The following SIMC1 variants were observed in gnomAD, a reference collection of about 807,000 sequenced individuals.
SIMC1 encodes SUMO-interacting motif-containing protein 1.
Under a neutral mutation model 82.3 loss-of-function variants are expected in SIMC1, and 55 were observed. That is an observed-to-expected ratio of 0.67 (90% CI 0.54 to 0.84). The LOEUF (loss-of-function observed/expected upper bound fraction) is 0.84, where lower values mean the gene tolerates loss of function less well. Among genes scored for constraint, SIMC1 ranks in the 40% least tolerant of loss-of-function variants. The pLI is 0.00. For synonymous variants in SIMC1, 353 were observed against 426.3 expected (o/e 0.83, Z 2.12); for missense variants, 915 against 1,107.2 (o/e 0.83, Z 2.46).
In SIMC1 at chr5:176,289,704, T is replaced by C. The variant is rs1763456163; in HGVS notation, c.180T>C (p.Ser60=). Reference sequence around the variant, plus strand: ...CCAGACCAAGGACAAAAGATCGCAGTGGACTGTATGTGATTGACCTGACAA... The same window carrying C: ...CCAGACCAAGGACAAAAGATCGCAGCGGACTGTATGTGATTGACCTGACAA... The part of the protein sequence containing the change: ...RETRPRTKDR[S]GLYVIDLTRA... The change falls in exon 2 of 10, where the codon AGT becomes AGC. Residue 60 remains serine, a synonymous_variant. Transcript: ENST00000429602. 2 of 1,612,960 alleles carry C rather than the reference T, an allele frequency of 1.2e-6. No homozygotes were observed. The highest frequency in any genetic ancestry group is 1.7e-6 in the Non-Finnish European group (2 of 1,179,490).
intron 9 of SIMC1, among the ~76,000 whole-genome samples, chr5:176,340,404 C>G (rs1204302318): frequency 6.6e-6 from 1 of 152,130 alleles, no homozygotes. Context: ...AGTATGAATT[C>G]TAGGGATTTG....
intron 2 of SIMC1, among the ~76,000 whole-genome samples, chr5:176,292,777 G>A (rs141898069): frequency 0.021 from 3,205 of 152,256 alleles, 49 homozygotes; most frequent in Middle Eastern, 0.068. Context: ...CTGACCTCAA[G>A]TGATCCGCCC....
At chr5:176,295,298 CT>C in intron 3 of SIMC1, 36 bp downstream of exon 3, 2 of 1,572,046 alleles carry the variant, frequency 1.3e-6, no homozygotes, top group East Asian at 4.6e-5. Context: ...GGCGAATCTT[CT>C]AGGGATCTTG....
chr5:176,341,289 C>G (rs1766128714), intron 9 of SIMC1, among the ~76,000 whole-genome samples: 1 of 152,230 alleles, frequency 6.6e-6, no homozygotes, highest in South Asian at 2.1e-4. Flanking sequence ...ATAGAACAAG[C>G]TAGCAGGGCA....
At chr5:176,311,645 A>G (rs1317643899) in intron 4 of SIMC1, among the ~76,000 whole-genome samples, 1 of 152,132 alleles carries the variant, frequency 6.6e-6, no homozygotes, top group East Asian at 1.9e-4. Flanking sequence ...AATTACAGGT[A>G]GTTAAAGGAG....
At chr5:176,286,182 A>G (rs1456274550) in intron 1 of SIMC1, among the ~76,000 whole-genome samples, 1 of 152,310 alleles carries the variant, frequency 6.6e-6, no homozygotes, top group Non-Finnish European at 1.5e-5. Context: ...TTGCCAAGAC[A>G]GTCCTAAGCA....
Position 176,295,115 on chromosome 5 carries a change from C to G in SIMC1, c.1517C>G (p.Thr506Ser). The G allele has an allele frequency of 1.9e-6, 3 of 1,613,548 alleles. No individual in the cohort carries two copies. The highest frequency in any genetic ancestry group is 2.7e-5 in the African/African-American group (2 of 74,950). The part of the protein sequence containing the change: ...NTIEENFPLG[T>S]VQFLMDFVSP... ...ATTGAAGAGAATTTTCCTCTGGGGA[C>G]TGTGCAGTTTTTGATGGACTTTGTG... is the stretch of plus-strand genomic sequence containing the variant. Residue 506 changes from threonine to serine, a missense_variant, in exon 3 of 10, where the codon ACT (threonine) becomes AGT (serine). Thr to Ser is a moderately conservative substitution (Grantham distance 58). This residue lies in a region of SIMC1 where 902 missense variants were observed against 1,040.3 expected (regional missense o/e 0.87). Transcript: ENST00000429602.
In SIMC1 at chr5:176,271,073, G is replaced by A. The variant is rs1310667312; in HGVS notation, c.130-18581G>A. Among the ~76,000 whole-genome samples the A allele has an allele frequency of 2.6e-5, 4 of 152,166 alleles. No individual in the cohort carries two copies. The East Asian group carries it at 5.8e-4, about 22-fold the overall frequency. ...CTCACAGCACCGGGAGGAGAGGGAA[G>A]AGTAAAGAGGGGCCAGGCATGGTGG... On this transcript the variant is annotated intron_variant, in intron 1 of 9. Coordinates refer to ENST00000429602, the MANE Select transcript of SIMC1 (RefSeq NM_001308195.2).
At chr5:176,262,188 A>G (rs1471671417) in intron 1 of SIMC1, among the ~76,000 whole-genome samples, 2 of 151,620 alleles carry the variant, frequency 1.3e-5, no homozygotes, top group African/African-American at 4.8e-5. Context: ...AAATCCATTA[A>G]TGCAATTCAC....
rs554268460 is a variant in SIMC1, at chr5:176,249,966, G to T, written c.129+11329G>T. On this transcript the variant is annotated intron_variant, in intron 1 of 9. Transcript: ENST00000429602. Reference sequence around the variant, plus strand: ...TATTTCTTGCCTTCTGCTAGCTTTTGAATTTGTTAGCTCTTGCTTCTCTAG... The same window carrying T: ...TATTTCTTGCCTTCTGCTAGCTTTTTAATTTGTTAGCTCTTGCTTCTCTAG... Among the ~76,000 whole-genome samples, 30 of 149,942 alleles carry T rather than the reference G, an allele frequency of 2.0e-4. No individual in the cohort carries two copies. The South Asian group carries it at 6.3e-3, about 32-fold the overall frequency.
chr5:176,250,678 G>A (rs1761619132), intron 1 of SIMC1, among the ~76,000 whole-genome samples: 3 of 152,166 alleles, frequency 2.0e-5, no homozygotes, highest in Admixed American at 2.0e-4. Context: ...AGGATAGTTA[G>A]CGCTTCTTGT....
intron 2 of SIMC1, among the ~76,000 whole-genome samples, chr5:176,291,393 G>A (rs1247392279): frequency 6.9e-6 from 1 of 144,842 alleles, no homozygotes; most frequent in African/African-American, 2.6e-5. Flanking sequence ...CTGGAGTGCA[G>A]TGGCACGATC....
chr5:176,314,948 A>G (rs1191662349), intron 5 of SIMC1, among the ~76,000 whole-genome samples: 1 of 152,194 alleles, frequency 6.6e-6, no homozygotes, highest in Non-Finnish European at 1.5e-5. Flanking sequence ...GCCCAACTGT[A>G]AGCTGTCAGT....
intron 3 of SIMC1, among the ~76,000 whole-genome samples, chr5:176,295,543 G>T (rs191556943): frequency 3.3e-5 from 5 of 152,062 alleles, no homozygotes. Context: ...GCTCTACTTC[G>T]GTTCTGTTTG....
In SIMC1 at chr5:176,266,520, T is replaced by A. The variant is rs535069353; in HGVS notation, c.130-23134T>A. Among the ~76,000 whole-genome samples the A allele has an allele frequency of 6.8e-3, 1,006 of 148,954 alleles. 5 individuals are homozygous for A. Among genetic ancestry groups the A allele is most frequent in the Middle Eastern group, 0.011 (3 of 282 alleles). ...TATATTGTGCAAGGGAGACAAAGTTTGCAGTTCGAATCTAGGCAGGTTAAG... is the reference window on the plus strand; with the variant it reads ...TATATTGTGCAAGGGAGACAAAGTTAGCAGTTCGAATCTAGGCAGGTTAAG... On this transcript the variant is annotated intron_variant, in intron 1 of 9. Transcript: ENST00000429602.
chr5:176,270,905 A>G (rs1762397406), intron 1 of SIMC1, among the ~76,000 whole-genome samples: 1 of 152,186 alleles, frequency 6.6e-6, no homozygotes, highest in Non-Finnish European at 1.5e-5. Flanking sequence ...CTAGGCCACA[A>G]GGACTGCAAT....
intron 4 of SIMC1, among the ~76,000 whole-genome samples, chr5:176,305,577 G>A (rs527986791): frequency 1.3e-3 from 184 of 144,150 alleles, no homozygotes; most frequent in African/African-American, 4.6e-3. Context: ...CCGGGAGGGA[G>A]GTGGGGGGGT....
intron 7 of SIMC1, among the ~76,000 whole-genome samples, chr5:176,332,374 T>G (rs1230425273): frequency 6.6e-6 from 1 of 152,230 alleles, no homozygotes; most frequent in Non-Finnish European, 1.5e-5. Context: ...CACCACAACC[T>G]CCGCCTCCCG....
At chr5:176,332,013 A>T (rs1765692525) in intron 7 of SIMC1, among the ~76,000 whole-genome samples, 1 of 152,098 alleles carries the variant, frequency 6.6e-6, no homozygotes, top group African/African-American at 2.4e-5. Context: ...CTTGCAATTC[A>T]GTATGTCTGA....
Sources: allele counts gnomAD v4.1 joint callset (sites outside exome capture counted in the v4.1 genomes callset), GRCh38; gene constraint gnomAD v4.1.1; regional missense constraint gnomAD v4.1.1; transcripts MANE v1.5; gene names NCBI Gene and HGNC (gene_info 2026-07-23, HGNC 2026-07-21).